CSMD1: variants seen among roughly 807,000 people sequenced by gnomAD.
The protein encoded by CSMD1 is CUB and sushi domain-containing protein 1.
CSMD1 carries 213 observed loss-of-function variants against 417.5 expected under a neutral mutation model. That is an observed-to-expected ratio of 0.51 (90% CI 0.46 to 0.57). The LOEUF is 0.57. Among genes scored for constraint, CSMD1 ranks in the 20% least tolerant of loss-of-function variants. The pLI, the probability that CSMD1 is intolerant of heterozygous loss-of-function variation, is 0.00. For synonymous variants in CSMD1, 2,862 were observed against 1,736.8 expected (o/e 1.65, Z -16.11); for missense variants, 6,923 against 4,529.7 (o/e 1.53, Z -15.17).
In CSMD1 at chr8:3,720,099, T is replaced by A. The variant is rs1585129632; in HGVS notation, c.932-11608A>T. Among the ~76,000 whole-genome samples the A allele has an allele frequency of 1.3e-5, 2 of 152,318 alleles. 1 individual carries two copies. Among genetic ancestry groups the A allele is most frequent in the Admixed American group, 1.3e-4 (2 of 15,300 alleles). The stretch of plus-strand genomic sequence containing the variant: ...AATGAAGAACTTTCCAAGTCTTTGT[T>A]ACATTCAACGTGGAATGTTAATGCA... On this transcript the variant is annotated intron_variant, in intron 6 of 69. Transcript: ENST00000635120.
At chr8:4,319,799 A>G (rs1246013086) in intron 3 of CSMD1, among the ~76,000 whole-genome samples, 1 of 152,110 alleles carries the variant, frequency 6.6e-6, no homozygotes, top group Non-Finnish European at 1.5e-5. Context: ...AGAGAGCTTC[A>G]CAAGAGATGT....
chr8:3,236,270 A>T (rs1820275), intron 26 of CSMD1, among the ~76,000 whole-genome samples: 2 of 151,950 alleles, frequency 1.3e-5, no homozygotes, highest in African/African-American at 4.8e-5. Flanking sequence ...GCTAATGTAT[A>T]TATCTGCTTG....
intron 50 of CSMD1, among the ~76,000 whole-genome samples, chr8:3,041,119 A>C (rs1811063204): frequency 6.6e-6 from 1 of 152,316 alleles, no homozygotes; most frequent in Non-Finnish European, 1.5e-5. Context: ...AATATTAGAG[A>C]GCTCCTGACA....
intron 5 of CSMD1, among the ~76,000 whole-genome samples, chr8:3,872,476 G>C (rs1431196204): frequency 6.6e-6 from 1 of 152,172 alleles, no homozygotes; most frequent in Non-Finnish European, 1.5e-5. Context: ...TGTGGGACAA[G>C]GCAGGTAAAA....
At chr8:4,706,550 C>T (rs985864076) in intron 1 of CSMD1, among the ~76,000 whole-genome samples, 10 of 152,124 alleles carry the variant, frequency 6.6e-5, no homozygotes, top group African/African-American at 1.9e-4. Context: ...ATATTTAACT[C>T]GGCATCATTT....
At chr8:4,964,502 CAAAAAAAAA>C (rs10622416) in intron 1 of CSMD1, among the ~76,000 whole-genome samples, 2 of 105,974 alleles carry the variant, frequency 1.9e-5, no homozygotes, top group South Asian at 6.2e-4. Context: ...ACCCTGTCTC[CAAAAAAAAA>C]AAAAAAAAAA....
At chr8:3,221,387 A>T (rs1798204253) in intron 28 of CSMD1, among the ~76,000 whole-genome samples, 1 of 152,230 alleles carries the variant, frequency 6.6e-6, no homozygotes. Flanking sequence ...GGTTACGTAG[A>T]ATTTTATTGG....
intron 7 of CSMD1, among the ~76,000 whole-genome samples, chr8:3,626,497 T>A (rs1219026216): frequency 6.6e-6 from 1 of 152,068 alleles, no homozygotes; most frequent in Non-Finnish European, 1.5e-5. Flanking sequence ...TTTAGAAACA[T>A]ATATAGTTAT....
At chr8:4,164,791 G>C (rs1198720806) in intron 3 of CSMD1, among the ~76,000 whole-genome samples, 5 of 151,888 alleles carry the variant, frequency 3.3e-5, no homozygotes, top group South Asian at 4.1e-4. Context: ...CAGGAGAATG[G>C]CGTGAAATCC....
chr8:3,330,290 T>G (rs1327711295), intron 23 of CSMD1, among the ~76,000 whole-genome samples: 1 of 152,182 alleles, frequency 6.6e-6, no homozygotes, highest in East Asian at 1.9e-4. Flanking sequence ...AAAGACATAC[T>G]CATGCATATG....
intron 5 of CSMD1, among the ~76,000 whole-genome samples, chr8:3,953,626 C>G (rs1235506135): frequency 6.6e-6 from 1 of 151,988 alleles, no homozygotes; most frequent in Non-Finnish European, 1.5e-5. Flanking sequence ...TTCAAGGTTT[C>G]TATGTTAGGT....
intron 54 of CSMD1, among the ~76,000 whole-genome samples, chr8:2,993,613 T>A (rs1291968820): frequency 6.6e-6 from 1 of 152,180 alleles, no homozygotes; most frequent in African/African-American, 2.4e-5. Context: ...TGAATTTTCA[T>A]TAAAATGAAG....
intron 8 of CSMD1, among the ~76,000 whole-genome samples, chr8:3,614,834 G>C (rs950558946): frequency 2.0e-5 from 3 of 152,170 alleles, no homozygotes; most frequent in African/African-American, 7.2e-5. Flanking sequence ...CTTAAGACAG[G>C]TGAGAAAACA....
chr8:4,879,332 G>C (rs1217728346), intron 1 of CSMD1, among the ~76,000 whole-genome samples: 1 of 152,024 alleles, frequency 6.6e-6, no homozygotes, highest in Non-Finnish European at 1.5e-5. Context: ...TATAGGATTA[G>C]GAAGTTAGGA....
intron 26 of CSMD1, among the ~76,000 whole-genome samples, chr8:3,253,575 G>A (rs973552780): frequency 6.6e-6 from 1 of 152,120 alleles, no homozygotes; most frequent in African/African-American, 2.4e-5. Context: ...TTCAATTCCT[G>A]GATATCCTTT....
At chr8:3,822,827 A>T (rs1801814636) in intron 5 of CSMD1, among the ~76,000 whole-genome samples, 1 of 151,882 alleles carries the variant, frequency 6.6e-6, no homozygotes, top group African/African-American at 2.4e-5. Context: ...TTTTTTTTTT[A>T]GTAGGCACAT....
Position 4,640,792 on chromosome 8 carries a change from C to T in CSMD1, c.86-3234G>A, listed in dbSNP as rs535183346. ...AGGGCAATAAAATAATCGGTAGTTT[C>T]TGTGATAATTGTAATGTTTTAGTTA... On this transcript the variant is annotated intron_variant, in intron 1 of 69. Transcript: ENST00000635120. 2.0e-5 allele frequency among the ~76,000 whole-genome samples: 3 copies of T among 146,730 alleles called. 1 individual carries two copies. Among genetic ancestry groups the T allele is most frequent in the Non-Finnish European group, 4.5e-5 (3 of 67,048 alleles).
chr8:4,460,684 C>T (rs1256635273), intron 2 of CSMD1, among the ~76,000 whole-genome samples: 2 of 152,126 alleles, frequency 1.3e-5, no homozygotes, highest in East Asian at 1.9e-4. Context: ...ATTTTATAAA[C>T]ATCTGGTAGT....
At chr8:3,673,902 G>C (rs566842197) in intron 7 of CSMD1, among the ~76,000 whole-genome samples, 1 of 152,186 alleles carries the variant, frequency 6.6e-6, no homozygotes, top group East Asian at 1.9e-4. Flanking sequence ...CAGAATGCTT[G>C]AGCTCAGCAG....
Sources: gnomAD v4.1 joint callset for allele counts (sites outside exome capture counted in the v4.1 genomes callset) on GRCh38, gnomAD v4.1.1 for gene constraint, MANE v1.5 for transcripts, NCBI Gene and HGNC (gene_info 2026-07-23, HGNC 2026-07-21) for gene names.